CACNA1C: variants seen among roughly 807,000 people sequenced by gnomAD.
CACNA1C encodes the protein voltage-dependent L-type calcium channel subunit alpha-1C.
CACNA1C carries 30 observed loss-of-function variants against 229.0 expected under a neutral mutation model. The ratio of observed to expected loss-of-function variants is 0.13; its 90% confidence interval spans 0.10 to 0.18. The LOEUF is 0.18. CACNA1C is among the 10% of genes least tolerant of loss of function. The pLI, the probability that CACNA1C is intolerant of heterozygous loss-of-function variation, is 1.00. For missense variants in CACNA1C, 1,658 were observed against 2,845.0 expected, an observed-to-expected ratio of 0.58 and a Z score of 9.49; for synonymous variants, 1,114 against 1,132.5, an observed-to-expected ratio of 0.98 and a Z score of 0.33.
intron 1 of CACNA1C, among the ~76,000 whole-genome samples, chr12:2,095,606 G>T (rs938198977): frequency 4.6e-5 from 7 of 152,156 alleles, no homozygotes; most frequent in Admixed American, 2.6e-4. Flanking sequence ...CCAGTGTTTC[G>T]CCAGTCCTTC....
At chr12:2,450,286 G>A (rs2154563177) in intron 4 of CACNA1C, among the ~76,000 whole-genome samples, 2 of 152,230 alleles carry the variant, frequency 1.3e-5, no homozygotes, top group Admixed American at 6.5e-5. Context: ...CAGGCGCGGT[G>A]GCTCACACCT....
rs1371778097 is a variant in CACNA1C at position 2,667,272 on chromosome 12, C to T, written c.4623+490C>T. ...GTTTCCTTTTCTCCCTCCCCTCCAC[C>T]ATGGCCACTCCACGCTCCTTTTCTC... is the stretch of plus-strand genomic sequence containing the variant. On this transcript the variant is annotated intron_variant, in intron 37 of 46. Transcript: ENST00000399655. Among the ~76,000 whole-genome samples the T allele has an allele frequency of 5.9e-5, 9 of 152,024 alleles. 1 individual carries two copies. The highest frequency in any genetic ancestry group is 1.4e-4 in the African/African-American group (6 of 41,410).
intron 3 of CACNA1C, among the ~76,000 whole-genome samples, chr12:2,169,308 A>G (rs2096378818): frequency 6.6e-6 from 1 of 152,176 alleles, no homozygotes; most frequent in Admixed American, 6.5e-5. Context: ...GAGCTGACTA[A>G]ATGATATTGT....
chr12:2,129,751 G>A (rs778770290), intron 3 of CACNA1C, among the ~76,000 whole-genome samples: 5 of 152,120 alleles, frequency 3.3e-5, no homozygotes, highest in South Asian at 2.1e-4. Context: ...ACAGGGTCCC[G>A]GAACGTCCTG....
chr12:2,274,192 G>A (rs1229647125), intron 3 of CACNA1C, among the ~76,000 whole-genome samples: 1 of 152,182 alleles, frequency 6.6e-6, no homozygotes, highest in Non-Finnish European at 1.5e-5. Flanking sequence ...TAAGCTGGAC[G>A]TCCAGCAGTT....
chr12:2,590,211 A>G (rs1488469854), intron 18 of CACNA1C, among the ~76,000 whole-genome samples: 2 of 152,328 alleles, frequency 1.3e-5, no homozygotes, highest in East Asian at 3.9e-4. Flanking sequence ...GAGGATGAGC[A>G]TCAGATGGAG....
intron 1 of CACNA1C, among the ~76,000 whole-genome samples, chr12:2,059,966 C>T (rs770088653): frequency 3.9e-5 from 6 of 151,926 alleles, no homozygotes; most frequent in Admixed American, 6.6e-5. Flanking sequence ...ATAATTTCTG[C>T]GATGTTAGAT....
At position 2,602,149 on chromosome 12, in the gene CACNA1C, G is replaced by T. The variant is rs2153407661; in HGVS notation, c.2960+189G>T. 6.6e-6 allele frequency among the ~76,000 whole-genome samples: 1 copy of T among 152,322 alleles called. No homozygotes were observed. The highest frequency in any genetic ancestry group is 2.4e-5 in the African/African-American group (1 of 41,562). Reference sequence around the variant, plus strand: ...TGTCCTCAGTGGTCTGATACTTGGGGCACGTTGATCAGGTGAGAATATGTT... The same window carrying T: ...TGTCCTCAGTGGTCTGATACTTGGGTCACGTTGATCAGGTGAGAATATGTT... On this transcript the variant is annotated intron_variant, in intron 22 of 46. Transcript: ENST00000399655. The surrounding 1 kb of genome is among the most constrained non-coding windows in gnomAD (Gnocchi z 4.4).
intron 15 of CACNA1C, among the ~76,000 whole-genome samples, chr12:2,584,011 CCCAAGCCTT>C (rs1011012899): frequency 8.5e-5 from 13 of 152,298 alleles, no homozygotes; most frequent in Admixed American, 5.9e-4. Context: ...ACTGGGAACT[CCCAAGCCTT>C]GGCTGGCTCC....
chr12:2,300,434 AAC>A (rs2094462423), intron 3 of CACNA1C, among the ~76,000 whole-genome samples: 1 of 152,264 alleles, frequency 6.6e-6, no homozygotes, highest in Admixed American at 6.5e-5. Flanking sequence ...CAGCCTGGGC[AAC>A]ATGGTGAAAT....
chr12:2,232,381 G>C (rs767167928), intron 3 of CACNA1C, among the ~76,000 whole-genome samples: 2 of 151,832 alleles, frequency 1.3e-5, no homozygotes, highest in Non-Finnish European at 2.9e-5. Flanking sequence ...GTATGCATTT[G>C]TTGCATACTA....
chr12:2,304,426 C>T (rs201174710), intron 3 of CACNA1C, among the ~76,000 whole-genome samples: 6 of 152,184 alleles, frequency 3.9e-5, no homozygotes, highest in East Asian at 3.9e-4. Context: ...ATATCCAACC[C>T]GGCACCGAGG....
Position 2,152,726 on chromosome 12 carries a change from A to G in CACNA1C, c.477+32296A>G, listed in dbSNP as rs371231938. Among the ~76,000 whole-genome samples the G allele has an allele frequency of 4.9e-4, 75 of 152,344 alleles. 1 individual carries two copies. The South Asian group carries it at 0.015, about 31-fold the overall frequency. On this transcript the variant is annotated intron_variant, in intron 3 of 46. Coordinates refer to ENST00000399655, the MANE Select transcript of CACNA1C (RefSeq NM_000719.7). The surrounding 1 kb of genome is among the most constrained non-coding windows in gnomAD (Gnocchi z 4.2). Reference sequence around the variant, plus strand: ...AAATAAAACAACAGATAGCACTTGGATAAGTTGGCCAAGTTCAAGTAACAC... The same window carrying G: ...AAATAAAACAACAGATAGCACTTGGGTAAGTTGGCCAAGTTCAAGTAACAC...
intron 1 of CACNA1C, among the ~76,000 whole-genome samples, chr12:2,084,869 G>A (rs1035137307): frequency 2.0e-5 from 3 of 152,136 alleles, no homozygotes; most frequent in African/African-American, 4.8e-5. Flanking sequence ...TTTCATCTAA[G>A]TATAGTCCTT....
At chr12:2,656,705 A>ATTTT in intron 34 of CACNA1C, among the ~76,000 whole-genome samples, 1 of 152,242 alleles carries the variant, frequency 6.6e-6, no homozygotes, top group African/African-American at 2.4e-5. Context: ...AGTAACCAAA[A>ATTTT]CAGCATGGTA....
intron 3 of CACNA1C, among the ~76,000 whole-genome samples, chr12:2,308,080 T>C (rs1466082491): frequency 6.6e-6 from 1 of 152,154 alleles, no homozygotes; most frequent in Non-Finnish European, 1.5e-5. Flanking sequence ...ACTTACATAG[T>C]AAAGAACCAA....
At chr12:2,471,270 CTA>C (rs1567881047) in intron 5 of CACNA1C, among the ~76,000 whole-genome samples, 1 of 152,184 alleles carries the variant, frequency 6.6e-6, no homozygotes, top group Non-Finnish European at 1.5e-5. Context: ...TGTGTGATTA[CTA>C]TATGTCTTCT....
intron 1 of CACNA1C, among the ~76,000 whole-genome samples, chr12:1,982,717 T>C (rs149820350): frequency 3.3e-5 from 5 of 152,298 alleles, no homozygotes; most frequent in Admixed American, 3.3e-4. Context: ...TTTATACCTA[T>C]ATTCACAAGA....
At position 2,666,642 on chromosome 12, in the gene CACNA1C, C is replaced by T. The variant is rs967262453; in HGVS notation, c.4527-44C>T. The T allele has an allele frequency of 4.6e-6, 6 of 1,312,548 alleles. No homozygotes were observed. The highest frequency in any genetic ancestry group is 1.5e-5 in the African/African-American group (1 of 68,670). 81.3% of individuals were successfully genotyped at this position (1,312,548 alleles called of 1,614,324 possible). On this transcript the variant is annotated intron_variant, in intron 36 of 46. Coordinates refer to ENST00000399655, the MANE Select transcript of CACNA1C (RefSeq NM_000719.7). This position sits in a 1 kb window ranked among gnomAD's most constrained non-coding sequence, Gnocchi z 5.3. ...TGCGTCCTGGGCTGCTGGCAGAGAC[C>T]GTGGCTCTCTGATGCCCTGTCCCTC... is the stretch of plus-strand genomic sequence containing the variant.
Sources: gnomAD v4.1 joint callset for allele counts (sites outside exome capture counted in the v4.1 genomes callset) on GRCh38, gnomAD v4.1.1 for gene constraint, Gnocchi (gnomAD v3.1) non-coding constraint, MANE v1.5 for transcripts, NCBI Gene and HGNC (gene_info 2026-07-23, HGNC 2026-07-21) for gene names.